Variants in CCDC112 observed in about 807,000 individuals in gnomAD.
CCDC112 encodes the protein coiled-coil domain containing 112, also known as coiled-coil domain-containing protein 112.
Under a neutral mutation model 66.3 loss-of-function variants are expected in CCDC112, and 40 were observed. The ratio of observed to expected loss-of-function variants is 0.60; its 90% CI spans 0.47 to 0.79. CCDC112 has a LOEUF of 0.79. CCDC112 is among the 30% of genes least tolerant of loss of function. The probability of loss-of-function intolerance (pLI) is 0.00; values close to 1 mark genes in which losing one functional copy is unlikely to be tolerated. For synonymous variants in CCDC112, 214 were observed against 197.2 expected, an observed-to-expected ratio of 1.09 and a Z score of -0.71; for missense variants, 659 against 603.8, an observed-to-expected ratio of 1.09 and a Z score of -0.96.
chr5:115,276,074 A>G lies in CCDC112; in HGVS notation c.452-5T>C. The G allele has an allele frequency of 6.3e-7, 1 of 1,586,610 alleles. No homozygotes were observed. The highest frequency in any genetic ancestry group is 8.6e-7 in the Non-Finnish European group (1 of 1,167,352). On this transcript the variant is annotated splice_region_variant and splice_polypyrimidine_tract_variant and intron_variant, in intron 4 of 9. Coordinates refer to ENST00000379611, the MANE Select transcript of CCDC112 (RefSeq NM_001040440.3). ...TTTCTCTGAGCTTCTCAACAACTGTAAAAGAAACACGGAAAATTATTTTGT... is the reference window on the plus strand; with the variant it reads ...TTTCTCTGAGCTTCTCAACAACTGTGAAAGAAACACGGAAAATTATTTTGT...
chr5:115,275,452 T>A lies in CCDC112; in HGVS notation c.682A>T (p.Thr228Ser). The change falls in exon 6 of 10, where the codon ACT becomes TCT. Residue 228 changes from threonine (T) to serine (S), a missense_variant. Coordinates refer to ENST00000379611, the MANE Select transcript of CCDC112 (RefSeq NM_001040440.3). The part of the protein sequence containing the change: ...KVPVDKVTPS[T>S]LPEEVLDFEK... ...AAATCTAGTACCTCTTCTGGAAGAG[T>A]ACTTGGTGTTACTTTGTCTACAGGA... The A allele has an allele frequency of 6.2e-7, 1 of 1,614,056 alleles. No homozygotes were observed. Among genetic ancestry groups the A allele is most frequent in the Non-Finnish European group, 8.5e-7 (1 of 1,179,974 alleles).
chr5:115,276,744 A>T (rs979234516), intron 4 of CCDC112, among the ~76,000 whole-genome samples: 2 of 152,164 alleles, frequency 1.3e-5, no homozygotes, highest in Non-Finnish European at 2.9e-5. Context: ...TAACGGATAC[A>T]CACAGAAATG....
In CCDC112 at chr5:115,271,615, A is replaced by C. The variant is rs1580794448; in HGVS notation, c.930T>G (p.Ile310Met). 6.6e-7 allele frequency: 1 copy of C among 1,520,656 alleles called. No individual in the cohort carries two copies. The highest frequency in any genetic ancestry group is 8.8e-7 in the Non-Finnish European group (1 of 1,141,986). 94.2% of individuals were successfully genotyped at this position (1,520,656 alleles called of 1,614,324 possible). A position where few individuals can be genotyped will look rare whatever the true frequency, so the allele number is the denominator to read the frequency against. Residue 310 changes from isoleucine to methionine, a missense_variant, in exon 7 of 10, where the codon ATT (isoleucine) becomes ATG (methionine). Physicochemically the swap from Ile to Met is conservative, Grantham distance 10. Coordinates refer to ENST00000379611, the MANE Select transcript of CCDC112 (RefSeq NM_001040440.3). ...LEERKKESIQ[I>M]WKTKKQQKRE... ...TTTTTTGCTGCTTTTTAGTTTTCCA[A>C]ATCTGAATTGACTAAATGATTTTTT...
At chr5:115,284,563 T>C (rs1015288194) in intron 2 of CCDC112, among the ~76,000 whole-genome samples, 4 of 152,124 alleles carry the variant, frequency 2.6e-5, no homozygotes, top group African/African-American at 9.7e-5. Context: ...AGATTCAAAA[T>C]TGTAAAAATA....
Position 115,296,587 on chromosome 5 carries a change from TG to T in CCDC112, c.-45del. ...TCGGGCCGCGGCGGCCACCGGTGCC[TG>T]GGGATTCGTGGCAGGCGCACCCTGG... On this transcript the variant is annotated 5_prime_UTR_variant, in exon 1 of 10. Transcript: ENST00000379611. 1.4e-6 allele frequency: 2 copies of T among 1,420,280 alleles called. No individual in the cohort carries two copies. The highest frequency in any genetic ancestry group is 9.2e-7 in the Non-Finnish European group (1 of 1,091,520). The allele number at this position is 1,420,280 out of a possible 1,614,324, so 88.0% of individuals were successfully genotyped here.
chr5:115,272,674 A>C (rs1749056568), intron 6 of CCDC112, among the ~76,000 whole-genome samples: 1 of 152,216 alleles, frequency 6.6e-6, no homozygotes, highest in African/African-American at 2.4e-5. Flanking sequence ...CATTTAGGGC[A>C]TATTCACTGA....
At chr5:115,284,641 A>T in intron 2 of CCDC112, 146 bp downstream of exon 2, 1 of 523,566 alleles carries the variant, frequency 1.9e-6, no homozygotes, top group Non-Finnish European at 3.3e-6. Context: ...CATACCTCCC[A>T]TCTTTCTCTT....
chr5:115,295,457 G>A (rs1306328249), intron 1 of CCDC112, among the ~76,000 whole-genome samples: 1 of 152,172 alleles, frequency 6.6e-6, no homozygotes, highest in Non-Finnish European at 1.5e-5. Flanking sequence ...TAGAGGATGT[G>A]TGAGAAAATT....
chr5:115,276,986 C>A lies in CCDC112; in HGVS notation c.430G>T (p.Asp144Tyr). ...NVKKLQHQLKDVKPTPDFVEK... is the reference protein window; with the variant it reads ...NVKKLQHQLKYVKPTPDFVEK... ...TTACAATCAGGTGTAGGCTTCACATCTTTTAATTGATGCTGAAGTTTCTTT... is the reference window on the plus strand; with the variant it reads ...TTACAATCAGGTGTAGGCTTCACATATTTTAATTGATGCTGAAGTTTCTTT... The change falls in exon 4 of 10, where the codon GAT becomes TAT. Residue 144 changes from aspartate (D) to tyrosine (Y), a missense_variant. By Grantham distance (160) the Asp-to-Tyr change is radical. Coordinates refer to ENST00000379611, the MANE Select transcript of CCDC112 (RefSeq NM_001040440.3). 1 of 1,606,456 alleles carries A rather than the reference C, an allele frequency of 6.2e-7. No homozygotes were observed. Among genetic ancestry groups the A allele is most frequent in the Non-Finnish European group, 8.5e-7 (1 of 1,174,372 alleles).
Position 115,271,548 on chromosome 5 carries a change from G to T in CCDC112, c.997C>A (p.Pro333Thr). 4 of 1,599,828 alleles carry T rather than the reference G, an allele frequency of 2.5e-6. No individual in the cohort carries two copies. Among genetic ancestry groups the T allele is most frequent in the South Asian group, 1.2e-5 (1 of 86,726 alleles). Reference protein sequence around the residue: ...FKLKEKADNTPVLFHNKQEDN... With the variant: ...FKLKEKADNTTVLFHNKQEDN... ...TCTTGTTTATTATGAAAAAGCACAGGTGTGTTGTCTGCCTTTTCCTTTAAC... is the reference window on the plus strand; with the variant it reads ...TCTTGTTTATTATGAAAAAGCACAGTTGTGTTGTCTGCCTTTTCCTTTAAC... Residue 333 changes from proline to threonine, a missense_variant, in exon 7 of 10, where the codon CCT becomes ACT. Coordinates refer to ENST00000379611, the MANE Select transcript of CCDC112 (RefSeq NM_001040440.3).
chr5:115,275,403 C>T lies in CCDC112; in HGVS notation c.731G>A (p.Gly244Glu). ...ATCATCCCAGGCACCTTGTCGCCCT[C>T]CTGTTTGCTGAAGGAATTTTTCAAA... is the stretch of plus-strand genomic sequence containing the variant. ...LDFEKFLQQTGGRQGAWDDYD... is the reference protein window; with the variant it reads ...LDFEKFLQQTEGRQGAWDDYD... Residue 244 changes from glycine to glutamate, a missense_variant, in exon 6 of 10, where the codon GGA (glycine) becomes GAA (glutamate). Physicochemically the swap from Gly to Glu is moderately conservative, Grantham distance 98. Transcript: ENST00000379611. 1 of 1,613,988 alleles carries T rather than the reference C, an allele frequency of 6.2e-7. No homozygotes were observed. The highest frequency in any genetic ancestry group is 1.6e-4 in the Middle Eastern group (1 of 6,062).
rs775295874 is a variant in CCDC112, at chr5:115,275,951, AT to A, written c.527+42del. On this transcript the variant is annotated intron_variant, in intron 5 of 9. Coordinates refer to ENST00000379611, the MANE Select transcript of CCDC112 (RefSeq NM_001040440.3). ...ATGTACTGGGGCCAGTTATTAAAAA[AT>A]AAAGGTCAATAATTTTATATTAAAA... is the stretch of plus-strand genomic sequence containing the variant. 9 of 1,337,868 alleles carry A rather than the reference AT, an allele frequency of 6.7e-6. No homozygotes were observed. The African/African-American group carries it at 1.2e-4, about 17-fold the overall frequency. The allele number at this position is 1,337,868 out of a possible 1,614,324, so 82.9% of individuals were successfully genotyped here.
chr5:115,289,396 T>C (rs561319370), intron 1 of CCDC112: 1 of 153,024 alleles, frequency 6.5e-6, no homozygotes, highest in African/African-American at 2.4e-5. Context: ...TGTGAGCCTC[T>C]GTGGAGCTGG....
rs1749157683 is a variant in CCDC112, at chr5:115,275,300, G to A, written c.834C>T (p.His278=). The A allele has an allele frequency of 2.5e-6, 4 of 1,613,678 alleles. No individual in the cohort carries two copies. The highest frequency in any genetic ancestry group is 2.5e-6 in the Non-Finnish European group (3 of 1,179,772). Residue 278 remains histidine (H), a synonymous_variant, in exon 6 of 10, where the codon CAC becomes CAT. Coordinates refer to ENST00000379611, the MANE Select transcript of CCDC112 (RefSeq NM_001040440.3). ...KPTFMEEVLE[H]LPGKTQDEVQ... ...CTTCATCTTGTGTTTTTCCAGGAAG[G>A]TGTTCTAGAACTTCTTCCATAAATG...
In CCDC112 at chr5:115,296,466, G is replaced by A. The variant is rs1215716906; in HGVS notation, c.78C>T (p.Ala26=). ...GCGTCGCTCCCACGCCGGTCCCGGT[G>A]GCCGCGCCCGCCCCTGCCACAGCCC... is the stretch of plus-strand genomic sequence containing the variant. The part of the protein sequence containing the change: ...VAGAVAGAGA[A]TGTGVGATPA... Residue 26 remains alanine, a synonymous_variant, in exon 1 of 10, where the codon GCC becomes GCT. Coordinates refer to ENST00000379611, the MANE Select transcript of CCDC112 (RefSeq NM_001040440.3). The A allele has an allele frequency of 6.4e-7, 1 of 1,554,818 alleles. No individual in the cohort carries two copies. Among genetic ancestry groups the A allele is most frequent in the Non-Finnish European group, 8.6e-7 (1 of 1,157,728 alleles).
intron 2 of CCDC112, 22 bp from the exon 3 acceptor site, chr5:115,279,790 G>A (rs199870885): frequency 1.7e-6 from 2 of 1,211,458 alleles, no homozygotes; most frequent in Non-Finnish European, 2.4e-6. Flanking sequence ...GAAACAAATA[G>A]TATAAATATG....
In CCDC112 at chr5:115,271,203, A is replaced by T. The variant is rs1409807081; in HGVS notation, c.1332+10T>A. ...CATTTAAAAATTATTTAGGAAATAG[A>T]TTTACTCACTCTTTCTTGAAATCTG... On this transcript the variant is annotated intron_variant, in intron 7 of 9. Transcript: ENST00000379611. 3 of 1,568,376 alleles carry T rather than the reference A, an allele frequency of 1.9e-6. No homozygotes were observed. Among genetic ancestry groups the T allele is most frequent in the Non-Finnish European group, 2.6e-6 (3 of 1,166,252 alleles).
intron 1 of CCDC112, among the ~76,000 whole-genome samples, chr5:115,287,216 G>C (rs976597221): frequency 6.6e-6 from 1 of 152,062 alleles, no homozygotes; most frequent in Non-Finnish European, 1.5e-5. Flanking sequence ...TTTTATTACA[G>C]TCATCTTAAT....
chr5:115,282,817 T>C (rs1360414679), intron 2 of CCDC112, among the ~76,000 whole-genome samples: 1 of 152,070 alleles, frequency 6.6e-6, no homozygotes, highest in African/African-American at 2.4e-5. Flanking sequence ...TGTAAATATA[T>C]TACCTATTTT....
Sources: allele counts gnomAD v4.1 joint callset (sites outside exome capture counted in the v4.1 genomes callset), GRCh38; gene constraint gnomAD v4.1.1; transcripts MANE v1.5; gene names NCBI Gene and HGNC (gene_info 2026-07-23, HGNC 2026-07-21).